Variants in MYO3A observed in about 807,000 individuals in gnomAD.
MYO3A encodes the protein myosin IIIA, also known as myosin-IIIa.
A neutral mutation model predicts 192.7 loss-of-function variants in MYO3A; 180 were observed. That is an observed-to-expected ratio of 0.93 (90% confidence interval 0.83 to 1.06). The LOEUF is 1.06. Among genes scored for constraint, MYO3A ranks in the 50% least tolerant of loss-of-function variants. The pLI, the probability that MYO3A is intolerant of heterozygous loss-of-function variation, is 0.00. For synonymous variants in MYO3A, 628 were observed against 645.3 expected, an observed-to-expected ratio of 0.97 and a Z score of 0.41; for missense variants, 1,896 against 1,905.0, an observed-to-expected ratio of 1.00 and a Z score of 0.09.
intron 10 of MYO3A, among the ~76,000 whole-genome samples, chr10:26,046,017 G>T (rs901221544): frequency 4.1e-5 from 6 of 146,792 alleles, no homozygotes; most frequent in Admixed American, 1.4e-4. Context: ...CACATGCCTT[G>T]CCCTACACAT....
intron 10 of MYO3A, among the ~76,000 whole-genome samples, chr10:26,053,478 C>T (rs924483278): frequency 4.6e-5 from 7 of 152,054 alleles, no homozygotes; most frequent in African/African-American, 1.4e-4. Context: ...CCAGACAATA[C>T]ATATAAAAAG....
Position 25,981,935 on chromosome 10 carries a change from A to G in MYO3A, c.304-14555A>G, listed in dbSNP as rs891441981. 2.0e-5 allele frequency among the ~76,000 whole-genome samples: 3 copies of G among 152,200 alleles called. No homozygotes were observed. The East Asian group carries it at 5.8e-4, about 29-fold the overall frequency. On this transcript the variant is annotated intron_variant, in intron 4 of 34. Transcript: ENST00000642920. Reference sequence around the variant, plus strand: ...GGATCACCTCTTCAGGTTCCCTGAGATGCCAAAAAACTGTGAGTCTGCTTG... The same window carrying G: ...GGATCACCTCTTCAGGTTCCCTGAGGTGCCAAAAAACTGTGAGTCTGCTTG...
chr10:26,134,676 G>GT (rs1346445097), intron 20 of MYO3A, among the ~76,000 whole-genome samples: 5 of 151,430 alleles, frequency 3.3e-5, no homozygotes, highest in South Asian at 2.1e-4. Flanking sequence ...AGTGGCAAAA[G>GT]TTTTTTTTTC....
intron 17 of MYO3A, among the ~76,000 whole-genome samples, chr10:26,098,755 T>G (rs537017296): frequency 2.6e-5 from 4 of 152,346 alleles, no homozygotes; most frequent in Admixed American, 1.3e-4. Flanking sequence ...GGTTCTTTTC[T>G]GTTCCATTGG....
At chr10:26,146,592 G>A (rs1564595083) in intron 22 of MYO3A, among the ~76,000 whole-genome samples, 2 of 152,038 alleles carry the variant, frequency 1.3e-5, no homozygotes, top group Non-Finnish European at 2.9e-5. Flanking sequence ...AATATCCCTG[G>A]TTCCTCTTCC....
chr10:26,153,725 C>A lies in MYO3A; in HGVS notation c.2636-125C>A, dbSNP rs567122770. The A allele has an allele frequency of 1.2e-4, 74 of 641,396 alleles. 1 individual carries two copies. In the South Asian group the frequency reaches 1.4e-3, roughly 12 times the overall value. 39.7% of individuals were successfully genotyped at this position (641,396 alleles called of 1,614,324 possible). A position where few individuals can be genotyped will look rare whatever the true frequency, so the allele number is the denominator to read the frequency against. ...CCTAAGTTCCTCCATAAATAGTTAA[C>A]CAAGCATATGATTATGAATATTGCA... On this transcript the variant is annotated intron_variant, in intron 23 of 34. Coordinates refer to ENST00000642920, the MANE Select transcript of MYO3A (RefSeq NM_017433.5).
At chr10:26,019,577 A>G (rs1265562438) in intron 7 of MYO3A, among the ~76,000 whole-genome samples, 1 of 152,160 alleles carries the variant, frequency 6.6e-6, no homozygotes, top group Non-Finnish European at 1.5e-5. Context: ...TGGCCTCCCA[A>G]AGTGCTGGGA....
At chr10:26,142,321 G>A (rs1362748280) in intron 20 of MYO3A, among the ~76,000 whole-genome samples, 1 of 152,216 alleles carries the variant, frequency 6.6e-6, no homozygotes, top group Non-Finnish European at 1.5e-5. Context: ...GCATGTCGTA[G>A]TTCAGAGGTC....
At chr10:25,980,243 A>T (rs867073201) in intron 4 of MYO3A, among the ~76,000 whole-genome samples, 5 of 151,896 alleles carry the variant, frequency 3.3e-5, no homozygotes, top group African/African-American at 1.2e-4. Context: ...TCTCAAAAAA[A>T]AAAAAAAAGC....
chr10:26,142,086 G>A (rs1420051579), intron 20 of MYO3A, among the ~76,000 whole-genome samples: 3 of 152,106 alleles, frequency 2.0e-5, no homozygotes, highest in Non-Finnish European at 4.4e-5. Context: ...CTTTGTGGAG[G>A]GCCGGGAGCT....
chr10:26,059,390 GA>G (rs1834323050), intron 10 of MYO3A, among the ~76,000 whole-genome samples: 1 of 152,276 alleles, frequency 6.6e-6, no homozygotes, highest in Admixed American at 6.5e-5. Flanking sequence ...TTTTTATCAT[GA>G]AAAGAGGTTG....
intron 34 of MYO3A, among the ~76,000 whole-genome samples, chr10:26,205,964 T>C (rs1354504496): frequency 6.6e-6 from 1 of 151,776 alleles, no homozygotes. Flanking sequence ...ATTGTGTACA[T>C]ATACCACATG....
intron 10 of MYO3A, among the ~76,000 whole-genome samples, chr10:26,058,706 T>G (rs11014941): frequency 0.025 from 3,836 of 152,326 alleles, 184 homozygotes; most frequent in African/African-American, 0.086. Context: ...ACTTTCCATA[T>G]AAACTTTAGA....
rs116020521 is a variant in MYO3A, at chr10:26,197,139, C to T, written c.4545+3828C>T. ...AAGGAAGAAGGCCTTAATCAGGTGC[C>T]GTAGCCCAGGAGACACGAGCTCAGT... is the stretch of plus-strand genomic sequence containing the variant. On this transcript the variant is annotated intron_variant, in intron 32 of 34. Coordinates refer to ENST00000642920, the MANE Select transcript of MYO3A (RefSeq NM_017433.5). Among the ~76,000 whole-genome samples the T allele has an allele frequency of 7.8e-3, 1,185 of 152,244 alleles. 13 individuals are homozygous for T. The highest frequency in any genetic ancestry group is 0.025 in the African/African-American group (1,030 of 41,544).
chr10:26,060,128 G>A (rs142439914), intron 10 of MYO3A, among the ~76,000 whole-genome samples: 3,794 of 151,834 alleles, frequency 0.025, 77 homozygotes, highest in Non-Finnish European at 0.04. Flanking sequence ...GTATGGTGGC[G>A]CATGCCTGTA....
Position 26,026,465 on chromosome 10 carries a change from A to T in MYO3A, c.886A>T (p.Met296Leu). The change falls in exon 10 of 35, where the codon ATG (methionine) becomes TTG (leucine). Residue 296 changes from methionine to leucine, a missense_variant. Met to Leu is a conservative substitution (Grantham distance 15). Transcript: ENST00000642920. The part of the protein sequence containing the change: ...FITQIEGKDV[M>L]LQKQLTEFIG... ...TACTCAAATTGAGGGCAAAGATGTGATGCTACAAAAACAACTAACGGAATT... is the reference window on the plus strand; with the variant it reads ...TACTCAAATTGAGGGCAAAGATGTGTTGCTACAAAAACAACTAACGGAATT... 6.2e-7 allele frequency: 1 copy of T among 1,614,180 alleles called. No individual in the cohort carries two copies. Among genetic ancestry groups the T allele is most frequent in the Middle Eastern group, 1.6e-4 (1 of 6,062 alleles).
At chr10:26,188,460 G>A (rs1842967675) in intron 31 of MYO3A, among the ~76,000 whole-genome samples, 1 of 152,144 alleles carries the variant, frequency 6.6e-6, no homozygotes, top group African/African-American at 2.4e-5. Context: ...CACTCTGATG[G>A]TAGTTTCTTT....
In MYO3A at chr10:26,079,190, C is replaced by A. The variant is rs140622041; in HGVS notation, c.1359+8789C>A. Among the ~76,000 whole-genome samples the A allele has an allele frequency of 2.3e-3, 347 of 152,254 alleles. 9 individuals are homozygous for A. Among genetic ancestry groups the A allele is most frequent in the Admixed American group, 0.017 (264 of 15,296 alleles). On this transcript the variant is annotated intron_variant, in intron 14 of 34. Transcript: ENST00000642920. ...AGTAATTGCTTTATAAATCTGGGAT[C>A]TCCAGTGTTAGGTGCACATATGTTT...
At chr10:26,069,302 C>G (rs1411662952) in intron 12 of MYO3A, among the ~76,000 whole-genome samples, 1 of 152,048 alleles carries the variant, frequency 6.6e-6, no homozygotes, top group Non-Finnish European at 1.5e-5. Flanking sequence ...AAAATTGTCA[C>G]TGTGAGTTAA....
Sources: allele counts gnomAD v4.1 joint callset (sites outside exome capture counted in the v4.1 genomes callset), GRCh38; gene constraint gnomAD v4.1.1; transcripts MANE v1.5; gene names NCBI Gene and HGNC (gene_info 2026-07-23, HGNC 2026-07-21).